SCCPDH: variants seen among roughly 807,000 people sequenced by gnomAD.
SCCPDH encodes the protein saccharopine dehydrogenase (putative).
A neutral mutation model predicts 51.5 loss-of-function variants in SCCPDH; 34 were observed. The ratio of observed to expected loss-of-function variants is 0.66; its 90% CI spans 0.50 to 0.88. The LOEUF (loss-of-function observed/expected upper bound fraction) is 0.88. Ranked by LOEUF, SCCPDH falls within the 40% of genes least tolerant of loss-of-function variation. The probability of loss-of-function intolerance (pLI) is 0.00; values close to 1 mark genes in which losing one functional copy is unlikely to be tolerated. For missense variants in SCCPDH, 464 were observed against 527.1 expected, an observed-to-expected ratio of 0.88 and a Z score of 1.17; for synonymous variants, 187 against 191.3, an observed-to-expected ratio of 0.98 and a Z score of 0.19.
At chr1:246,763,007 C>T (rs886864559) in intron 9 of SCCPDH, among the ~76,000 whole-genome samples, 5 of 152,166 alleles carry the variant, frequency 3.3e-5, no homozygotes, top group African/African-American at 7.2e-5. Flanking sequence ...TGACCAGAGA[C>T]TCTGGTTCGG....
chr1:246,759,821 A>G (rs1360128489), intron 7 of SCCPDH, 136 bp from the exon 8 acceptor site: 4 of 937,522 alleles, frequency 4.3e-6, no homozygotes, highest in Non-Finnish European at 6.3e-6. Flanking sequence ...AGATTTCAGA[A>G]CATAATGCAT....
intron 2 of SCCPDH, among the ~76,000 whole-genome samples, chr1:246,732,577 A>G (rs1372054027): frequency 1.3e-5 from 2 of 152,148 alleles, no homozygotes; most frequent in Admixed American, 6.5e-5. Context: ...TAGTCGAGAC[A>G]GGGTTTTACC....
intron 3 of SCCPDH, among the ~76,000 whole-genome samples, chr1:246,736,568 G>A (rs1668594387): frequency 6.6e-6 from 1 of 152,096 alleles, no homozygotes; most frequent in Non-Finnish European, 1.5e-5. Context: ...GGGCATGGTG[G>A]CGGGCACCTG....
At chr1:246,757,014 G>C (rs1668940688) in intron 5 of SCCPDH, among the ~76,000 whole-genome samples, 1 of 152,148 alleles carries the variant, frequency 6.6e-6, no homozygotes, top group African/African-American at 2.4e-5. Context: ...TCCTGTAATA[G>C]AGAATTAAAA....
Position 246,724,485 on chromosome 1 carries a change from G to C in SCCPDH, c.63G>C (p.Gln21His), listed in dbSNP as rs749756613. The stretch of plus-strand genomic sequence containing the variant: ...TCGGCGCGTCTGGCTTCACCGGCCA[G>C]TTCGTGACCGAGGAGGTGGCCCGGG... ...VVFGASGFTG[Q>H]FVTEEVAREQ... The change falls in exon 1 of 12, where the codon CAG becomes CAC. Residue 21 changes from glutamine (Q) to histidine (H), a missense_variant. Physicochemically the swap from Gln to His is conservative, Grantham distance 24. Transcript: ENST00000366510. The C allele has an allele frequency of 1.3e-6, 2 of 1,586,058 alleles. No individual in the cohort carries two copies. Among genetic ancestry groups the C allele is most frequent in the Non-Finnish European group, 1.7e-6 (2 of 1,169,192 alleles).
At position 246,744,108 on chromosome 1, in the gene SCCPDH, AT is replaced by A. The variant is rs1198201045; in HGVS notation, c.548del (p.Ile183AsnfsTer8). The A allele has an allele frequency of 8.7e-6, 14 of 1,601,522 alleles. No individual in the cohort carries two copies. The highest frequency in any genetic ancestry group is 1.2e-5 in the Non-Finnish European group (14 of 1,170,852). On this transcript the variant is annotated frameshift_variant, in exon 5 of 12. Coordinates refer to ENST00000366510, the MANE Select transcript of SCCPDH (RefSeq NM_016002.3). LOFTEE classifies it high-confidence loss of function. ...TLTAVESFLT[I>X]HSGPEGLSIH... ...GACTGCTGTGGAAAGTTTCCTGACT[AT>A]ACATTCAGGACCTGAGGTTGGTTTT...
At chr1:246,747,288 C>G (rs1310301366) in intron 5 of SCCPDH, among the ~76,000 whole-genome samples, 1 of 152,150 alleles carries the variant, frequency 6.6e-6, no homozygotes. Context: ...GTTTATATGT[C>G]AAACAATAGA....
At chr1:246,726,550 C>A (rs549717620) in intron 1 of SCCPDH, among the ~76,000 whole-genome samples, 1 of 152,222 alleles carries the variant, frequency 6.6e-6, no homozygotes, top group East Asian at 1.9e-4. Flanking sequence ...ACATAAATTT[C>A]TTGTTGGAGA....
intron 3 of SCCPDH, among the ~76,000 whole-genome samples, chr1:246,738,851 TCAAAA>T (rs1668637203): frequency 6.6e-6 from 1 of 152,214 alleles, no homozygotes; most frequent in Admixed American, 6.5e-5. Flanking sequence ...AGACTCCGTC[TCAAAA>T]CAAAACAAAA....
At chr1:246,759,005 T>C in intron 6 of SCCPDH, 29 bp from the exon 7 acceptor site, 1 of 1,249,194 alleles carries the variant, frequency 8.0e-7, no homozygotes. Context: ...TTGCAGGAAA[T>C]GCAAAATATT....
At chr1:246,731,605 T>C (rs895118211) in intron 2 of SCCPDH, among the ~76,000 whole-genome samples, 10 of 152,268 alleles carry the variant, frequency 6.6e-5, no homozygotes, top group Admixed American at 2.0e-4. Context: ...ACATGGAATT[T>C]AGAACTGCTG....
chr1:246,738,134 T>C (rs543260838), intron 3 of SCCPDH, among the ~76,000 whole-genome samples: 1 of 152,052 alleles, frequency 6.6e-6, no homozygotes, highest in Non-Finnish European at 1.5e-5. Flanking sequence ...AGTTGGAGGT[T>C]GCAGTAAGCC....
chr1:246,726,417 T>C (rs1352695685), intron 1 of SCCPDH, among the ~76,000 whole-genome samples: 1 of 149,292 alleles, frequency 6.7e-6, no homozygotes, highest in Admixed American at 6.6e-5. Context: ...TTTTTTTTTT[T>C]AGTAGAGACA....
chr1:246,734,870 G>GT lies in SCCPDH; in HGVS notation c.304-1104dup, dbSNP rs1668544959. ...TATTAGCTTTTACATATGAAAATTT[G>GT]TATTTTAATTCCTTGAGTTTGAATA... On this transcript the variant is annotated intron_variant, in intron 2 of 11. Coordinates refer to ENST00000366510, the MANE Select transcript of SCCPDH (RefSeq NM_016002.3). 2.6e-5 allele frequency among the ~76,000 whole-genome samples: 4 copies of GT among 152,168 alleles called. 1 individual carries two copies. The South Asian group carries it at 8.3e-4, about 32-fold the overall frequency.
intron 5 of SCCPDH, among the ~76,000 whole-genome samples, chr1:246,749,306 A>G (rs1412821057): frequency 3.3e-5 from 5 of 152,200 alleles, no homozygotes; most frequent in African/African-American, 1.2e-4. Flanking sequence ...GCATCCAGAT[A>G]CCCTGTTTCA....
chr1:246,732,933 G>A (rs1668513591), intron 2 of SCCPDH, among the ~76,000 whole-genome samples: 1 of 152,206 alleles, frequency 6.6e-6, no homozygotes, highest in South Asian at 2.1e-4. Flanking sequence ...GAGCCTGGAT[G>A]TAAGTGTGGC....
At chr1:246,753,289 A>T (rs1412978696) in intron 5 of SCCPDH, among the ~76,000 whole-genome samples, 2 of 151,956 alleles carry the variant, frequency 1.3e-5, no homozygotes, top group Non-Finnish European at 2.9e-5. Flanking sequence ...TCTTACATAC[A>T]CTTTTTGGGC....
intron 3 of SCCPDH, among the ~76,000 whole-genome samples, chr1:246,737,667 C>G (rs1450447059): frequency 6.6e-6 from 1 of 151,966 alleles, no homozygotes; most frequent in Non-Finnish European, 1.5e-5. Flanking sequence ...TCTTGGCTCA[C>G]TGTAACCTCT....
intron 7 of SCCPDH, 100 bp downstream of exon 7, chr1:246,759,251 C>T (rs934726053): frequency 1.0e-5 from 7 of 702,024 alleles, no homozygotes; most frequent in Non-Finnish European, 1.8e-5. Context: ...AAAGGAAGAG[C>T]TAAGTAATAC....
Sources: gnomAD v4.1 joint callset for allele counts (sites outside exome capture counted in the v4.1 genomes callset) on GRCh38, gnomAD v4.1.1 for gene constraint, MANE v1.5 for transcripts, NCBI Gene and HGNC (gene_info 2026-07-23, HGNC 2026-07-21) for gene names.